The following GPR137 variants were observed in gnomAD, a reference collection of about 807,000 sequenced individuals.
GPR137 encodes the protein integral membrane protein GPR137.
GPR137 carries 20 observed loss-of-function variants against 38.9 expected under a neutral mutation model. That is an observed-to-expected ratio of 0.51 (90% confidence interval 0.36 to 0.75). The LOEUF (loss-of-function observed/expected upper bound fraction) is 0.75, where lower values mean the gene tolerates loss of function less well. Among genes scored for constraint, GPR137 ranks in the 30% least tolerant of loss-of-function variants. GPR137 has a pLI of 0.00. For missense variants in GPR137, 456 were observed against 526.4 expected, an observed-to-expected ratio of 0.87 and a Z score of 1.31; for synonymous variants, 226 against 235.8, an observed-to-expected ratio of 0.96 and a Z score of 0.38.
upstream of GPR137, chr11:64,284,619 C>T: frequency 6.6e-7 from 1 of 1,513,010 alleles, no homozygotes; most frequent in Non-Finnish European, 8.8e-7. Context: ...GGTGACGGCG[C>T]ACAGGTCTCA....
upstream of GPR137, among the ~76,000 whole-genome samples, chr11:64,280,129 A>C (rs1257699493): frequency 6.6e-6 from 1 of 151,528 alleles, no homozygotes; most frequent in Non-Finnish European, 1.5e-5. Context: ...CATCCTGGCT[A>C]ACATGGTGAA....
chr11:64,285,991 G>A lies in GPR137; in HGVS notation c.-534G>A, dbSNP rs2033969239. The A allele has an allele frequency of 4.1e-6, 4 of 983,386 alleles. No individual in the cohort carries two copies. Among genetic ancestry groups the A allele is most frequent in the Non-Finnish European group, 4.8e-6 (4 of 828,152 alleles). 60.9% of individuals were successfully genotyped at this position (983,386 alleles called of 1,614,324 possible). A position where few individuals can be genotyped will look rare whatever the true frequency, so the allele number is the denominator to read the frequency against. ...ACGCGGTGGGGGAGGGTGGGGCGGG[G>A]GCAGCTTTCGAGAATTACGAGGACA... On this transcript the variant is annotated 5_prime_UTR_variant, in exon 1 of 7. Coordinates refer to ENST00000438980, the MANE Select transcript of GPR137 (RefSeq NM_001170880.2).
upstream of GPR137, chr11:64,285,525 C>G (rs2033867046): frequency 3.0e-6 from 3 of 985,026 alleles, no homozygotes; most frequent in Non-Finnish European, 3.6e-6. Flanking sequence ...GGACGGGAAT[C>G]CGTTGCCGCC....
chr11:64,280,228 G>A (rs2033360482), upstream of GPR137, among the ~76,000 whole-genome samples: 1 of 150,732 alleles, frequency 6.6e-6, no homozygotes, highest in Non-Finnish European at 1.5e-5. Flanking sequence ...GCTGAGGCAG[G>A]AGAATGGCGT....
upstream of GPR137, among the ~76,000 whole-genome samples, chr11:64,273,315 G>A (rs1278635521): frequency 6.6e-6 from 1 of 152,218 alleles, no homozygotes; most frequent in Non-Finnish European, 1.5e-5. Context: ...GGAGGTTGCA[G>A]TGAGCCGAGA....
chr11:64,284,944 A>G, upstream of GPR137: 1 of 1,402,152 alleles, frequency 7.1e-7, no homozygotes, highest in African/African-American at 1.5e-5. Flanking sequence ...TGGAACCTGG[A>G]GACCCACTTC....
chr11:64,273,475 CTG>C (rs1386899058), upstream of GPR137, among the ~76,000 whole-genome samples: 11 of 152,198 alleles, frequency 7.2e-5, no homozygotes, highest in Non-Finnish European at 1.3e-4. Context: ...TCTATTTGAA[CTG>C]TGCTCTGTGC....
In GPR137 at chr11:64,288,115, C is replaced by G. The variant is rs371057330; in HGVS notation, c.684C>G (p.Leu228=). ...CGATGGGTGGCGCCATGGTCCTGCT[C>G]TATGCCAGCCGGGCCTGCTACAACC... ...AAAMGGAMVL[L]YASRACYNLT... The change falls in exon 4 of 7, where the codon CTC becomes CTG. Residue 228 remains leucine (L), a synonymous_variant. Coordinates refer to ENST00000438980, the MANE Select transcript of GPR137 (RefSeq NM_001170880.2). The surrounding 1 kb of genome is among the most constrained non-coding windows in gnomAD (Gnocchi z 5.5). 5.0e-5 allele frequency: 80 copies of G among 1,612,422 alleles called. No homozygotes were observed. Among genetic ancestry groups the G allele is most frequent in the Middle Eastern group, 1.6e-4 (1 of 6,084 alleles).
At chr11:64,284,639 C>G (rs1348131521), upstream of GPR137, 15 of 1,529,862 alleles carry the variant, frequency 9.8e-6, no homozygotes, top group Admixed American at 1.6e-4. Flanking sequence ...ACCCCAAGCC[C>G]GATCTCGAGG....
At chr11:64,270,799 G>T, upstream of GPR137, 1 of 401,228 alleles carries the variant, frequency 2.5e-6, no homozygotes, top group South Asian at 1.8e-5. Context: ...TGCCAGCAAG[G>T]AGCACAAATA....
intron 2 of GPR137, among the ~76,000 whole-genome samples, chr11:64,276,583 C>G (rs1189605560): frequency 6.6e-6 from 1 of 152,190 alleles, no homozygotes; most frequent in Non-Finnish European, 1.5e-5. Flanking sequence ...TGCCTCGGCC[C>G]CCCAAAGTGC....
Position 64,286,051 on chromosome 11 carries a change from GGAGA to G in GPR137, c.-468_-465del. ...GGCCCTCCCCATCCGCATTATTGGA[GGAGA>G]GAGAGCCTCCCCCAGCTTGGGGAGG... On this transcript the variant is annotated 5_prime_UTR_variant, in exon 1 of 7. Coordinates refer to ENST00000438980, the MANE Select transcript of GPR137 (RefSeq NM_001170880.2). 1 of 988,486 alleles carries G rather than the reference GGAGA, an allele frequency of 1.0e-6. No individual in the cohort carries two copies. The highest frequency in any genetic ancestry group is 4.6e-5 in the South Asian group (1 of 21,536). 61.2% of individuals were successfully genotyped at this position (988,486 alleles called of 1,614,324 possible). A position where few individuals can be genotyped will look rare whatever the true frequency, so the allele number is the denominator to read the frequency against.
chr11:64,274,473 G>C (rs185265555), upstream of GPR137, among the ~76,000 whole-genome samples: 290 of 151,932 alleles, frequency 1.9e-3, 6 homozygotes, highest in Non-Finnish European at 1.9e-4. Flanking sequence ...GATCACTTGA[G>C]GCCAGGAGTT....
chr11:64,281,078 C>T (rs2033437460), upstream of GPR137, among the ~76,000 whole-genome samples: 2 of 152,316 alleles, frequency 1.3e-5, no homozygotes, highest in South Asian at 2.1e-4. Flanking sequence ...CGCCATTCTC[C>T]TGCCTCAGCC....
At position 64,288,436 on chromosome 11, in the gene GPR137, T is replaced by C; in HGVS notation, c.880T>C (p.Phe294Leu). The stretch of plus-strand genomic sequence containing the variant: ...ACTGCCCACCACCCTGCTGGTGGGC[T>C]TCTTCCGGGTGCACCGGCCCCCACA... ...ELLPTTLLVG[F>L]FRVHRPPQDL... Residue 294 changes from phenylalanine (F) to leucine (L), a missense_variant, in exon 5 of 7, where the codon TTC (phenylalanine) becomes CTC (leucine). By Grantham distance (22) the Phe-to-Leu change is conservative (BLOSUM62 0). Coordinates refer to ENST00000438980, the MANE Select transcript of GPR137 (RefSeq NM_001170880.2). This position sits in a 1 kb window ranked among gnomAD's most constrained non-coding sequence, Gnocchi z 5.5. 1 of 1,613,582 alleles carries C rather than the reference T, an allele frequency of 6.2e-7. No homozygotes were observed. The highest frequency in any genetic ancestry group is 8.5e-7 in the Non-Finnish European group (1 of 1,179,964).
upstream of GPR137, among the ~76,000 whole-genome samples, chr11:64,281,599 T>C (rs992560435): frequency 2.0e-5 from 3 of 152,176 alleles, no homozygotes; most frequent in Non-Finnish European, 2.9e-5. Flanking sequence ...CCATCTGCCC[T>C]TCTCTCTGCC....
At position 64,289,343 on chromosome 11, in the gene GPR137, G is replaced by T. The variant is rs779481487; in HGVS notation, c.*147G>T. The T allele has an allele frequency of 6.2e-7, 1 of 1,600,144 alleles. No individual in the cohort carries two copies. The highest frequency in any genetic ancestry group is 8.5e-7 in the Non-Finnish European group (1 of 1,172,686). On this transcript the variant is annotated 3_prime_UTR_variant, in exon 7 of 7. Transcript: ENST00000438980. ...CCGGCTCCTTGCTGCTCCTGTCATA[G>T]TGAGCTTGTGCCGTCCCCCTAGGAT... is the stretch of plus-strand genomic sequence containing the variant.
intron 2 of GPR137, 73 bp downstream of exon 2, chr11:64,287,087 C>T (rs2034176098): frequency 1.3e-6 from 2 of 1,560,968 alleles, no homozygotes; most frequent in Non-Finnish European, 1.7e-6. Flanking sequence ...AGATCCCTTC[C>T]CACCTCTCAG....
chr11:64,280,137 G>A (rs1265021720), upstream of GPR137, among the ~76,000 whole-genome samples: 2 of 151,392 alleles, frequency 1.3e-5, no homozygotes, highest in Non-Finnish European at 2.9e-5. Context: ...CTAACATGGT[G>A]AAACCCCATC....
Sources: allele counts gnomAD v4.1 joint callset (sites outside exome capture counted in the v4.1 genomes callset), GRCh38; gene constraint gnomAD v4.1.1; non-coding constraint Gnocchi (gnomAD v3.1); transcripts MANE v1.5; gene names NCBI Gene and HGNC (gene_info 2026-07-23, HGNC 2026-07-21).